Variants in SYNPR observed in about 807,000 individuals in gnomAD.
The protein encoded by SYNPR is synaptoporin.
A neutral mutation model predicts 32.9 loss-of-function variants in SYNPR; 23 were observed. That is an observed-to-expected ratio of 0.70 (90% CI 0.50 to 0.99). The LOEUF is 0.99. Among genes scored for constraint, SYNPR ranks in the 50% least tolerant of loss-of-function variants. The pLI is 0.00. For missense variants in SYNPR, 318 were observed against 349.3 expected, an observed-to-expected ratio of 0.91 and a Z score of 0.71; for synonymous variants, 146 against 135.9, an observed-to-expected ratio of 1.07 and a Z score of -0.52.
At chr3:63,545,027 G>GAAA (rs35822196) in intron 3 of SYNPR, among the ~76,000 whole-genome samples, 2 of 146,640 alleles carry the variant, frequency 1.4e-5, no homozygotes, top group Non-Finnish European at 1.5e-5. Flanking sequence ...TGATTTAGGG[G>GAAA]AAAAAAAAAA....
At chr3:63,283,597 C>A (rs2086651504) in intron 2 of SYNPR, among the ~76,000 whole-genome samples, 1 of 148,578 alleles carries the variant, frequency 6.7e-6, no homozygotes, top group African/African-American at 2.5e-5. Flanking sequence ...ACTAAGTTGG[C>A]ATAGTCCTGT....
At chr3:63,249,898 T>C (rs999337135) in intron 1 of SYNPR, among the ~76,000 whole-genome samples, 1 of 152,068 alleles carries the variant, frequency 6.6e-6, no homozygotes, top group African/African-American at 2.4e-5. Context: ...AACACATAAA[T>C]AGAGAATGTC....
At chr3:63,259,565 G>A (rs1019735685) in intron 2 of SYNPR, among the ~76,000 whole-genome samples, 2 of 152,116 alleles carry the variant, frequency 1.3e-5, no homozygotes, top group Non-Finnish European at 2.9e-5. Context: ...GTATTGATGG[G>A]ACGTATCTCA....
chr3:63,260,426 A>T (rs1441343684), intron 2 of SYNPR, among the ~76,000 whole-genome samples: 2 of 152,218 alleles, frequency 1.3e-5, no homozygotes. Context: ...ACATATCTAC[A>T]ACCATCTGAT....
chr3:63,416,699 A>C (rs1389446400), intron 2 of SYNPR, among the ~76,000 whole-genome samples: 7 of 152,130 alleles, frequency 4.6e-5, no homozygotes, highest in African/African-American at 1.2e-4. Flanking sequence ...GGAGGCCTCA[A>C]AATTATGGTG....
chr3:63,494,412 T>C (rs201309890), intron 3 of SYNPR, among the ~76,000 whole-genome samples: 19 of 83,748 alleles, frequency 2.3e-4, no homozygotes, highest in South Asian at 3.9e-4. Context: ...TATATATATA[T>C]ATATACGTAT....
At chr3:63,327,000 T>C (rs965262201) in intron 2 of SYNPR, among the ~76,000 whole-genome samples, 1 of 151,080 alleles carries the variant, frequency 6.6e-6, no homozygotes, top group African/African-American at 2.4e-5. Context: ...ACTTTCCTCA[T>C]AGAAAAAAAA....
chr3:63,449,339 A>G (rs1370291192), intron 2 of SYNPR, among the ~76,000 whole-genome samples: 1 of 152,158 alleles, frequency 6.6e-6, no homozygotes, highest in African/African-American at 2.4e-5. Flanking sequence ...GAAATAAACA[A>G]GATACACTAG....
chr3:63,388,546 C>T (rs1326163003), intron 2 of SYNPR, among the ~76,000 whole-genome samples: 1 of 119,332 alleles, frequency 8.4e-6, no homozygotes, highest in Non-Finnish European at 1.8e-5. Context: ...CACCACCACA[C>T]CCGGCTAATT....
Position 63,278,311 on chromosome 3 carries a change from C to T in SYNPR, c.-223C>T, listed in dbSNP as rs965194981. ...CTGCCCCAGCTCTTCCCTGCCCACC[C>T]CTCGCTGACTCGCTTCGCTTCCCCG... On this transcript the variant is annotated 5_prime_UTR_variant, in exon 1 of 6. Coordinates refer to ENST00000478300, the MANE Select transcript of SYNPR (RefSeq NM_001130003.2). 1 of 589,696 alleles carries T rather than the reference C, an allele frequency of 1.7e-6. No individual in the cohort carries two copies. The highest frequency in any genetic ancestry group is 1.9e-5 in the African/African-American group (1 of 53,358). The allele number at this position is 589,696 out of a possible 1,614,324, so 36.5% of individuals were successfully genotyped here. A position where few individuals can be genotyped will look rare whatever the true frequency, so the allele number is the denominator to read the frequency against.
At chr3:63,557,324 A>G (rs941781210) in intron 4 of SYNPR, among the ~76,000 whole-genome samples, 1 of 152,204 alleles carries the variant, frequency 6.6e-6, no homozygotes, top group African/African-American at 2.4e-5. Flanking sequence ...TTTAAATTTC[A>G]CCCTTTACAT....
intron 2 of SYNPR, among the ~76,000 whole-genome samples, chr3:63,414,978 A>C (rs1338229844): frequency 1.3e-5 from 2 of 152,210 alleles, no homozygotes; most frequent in Non-Finnish European, 2.9e-5. Context: ...TTACTGGCTC[A>C]CCAGAGCCCA....
intron 2 of SYNPR, among the ~76,000 whole-genome samples, chr3:63,352,398 A>G (rs937635239): frequency 2.0e-4 from 31 of 152,346 alleles, no homozygotes; most frequent in African/African-American, 6.7e-4. Context: ...ACTGTGGATC[A>G]GTATCATAAA....
At chr3:63,265,543 C>T (rs1023896912) in intron 2 of SYNPR, among the ~76,000 whole-genome samples, 2 of 152,120 alleles carry the variant, frequency 1.3e-5, no homozygotes, top group Admixed American at 1.3e-4. Flanking sequence ...TGAGCCACTG[C>T]GCCCAGTCAA....
At chr3:63,521,654 T>A (rs6804826) in intron 3 of SYNPR, among the ~76,000 whole-genome samples, 103,871 of 152,108 alleles carry the variant, frequency 0.68, 35,453 homozygotes, top group South Asian at 0.74. Context: ...CAGCCAATAC[T>A]CTGGAGGCAA....
At chr3:63,592,110 A>G (rs964583790) in intron 4 of SYNPR, among the ~76,000 whole-genome samples, 2 of 151,964 alleles carry the variant, frequency 1.3e-5, no homozygotes, top group Non-Finnish European at 2.9e-5. Flanking sequence ...TACACACAGA[A>G]GGTGACGTGA....
intron 4 of SYNPR, among the ~76,000 whole-genome samples, chr3:63,601,000 C>T (rs1700032577): frequency 6.6e-6 from 1 of 152,212 alleles, no homozygotes; most frequent in Non-Finnish European, 1.5e-5. Context: ...TGGCTGGGTG[C>T]AGTGGCTCAC....
At chr3:63,600,832 A>C (rs1447089515) in intron 4 of SYNPR, among the ~76,000 whole-genome samples, 2 of 152,152 alleles carry the variant, frequency 1.3e-5, no homozygotes, top group Admixed American at 6.6e-5. Context: ...TTCCTTTATA[A>C]ATCACCCAGT....
At chr3:63,309,293 A>T (rs2086938611) in intron 2 of SYNPR, among the ~76,000 whole-genome samples, 1 of 151,946 alleles carries the variant, frequency 6.6e-6, no homozygotes, top group Non-Finnish European at 1.5e-5. Flanking sequence ...TTGTCTGCTA[A>T]TGTTAACATC....
Sources: gnomAD v4.1 joint callset for allele counts (sites outside exome capture counted in the v4.1 genomes callset) on GRCh38, gnomAD v4.1.1 for gene constraint, MANE v1.5 for transcripts, NCBI Gene and HGNC (gene_info 2026-07-23, HGNC 2026-07-21) for gene names.